The following NFIA variants were observed in gnomAD, a reference collection of about 807,000 sequenced individuals.
NFIA encodes the protein nuclear factor 1 A-type.
Under a neutral mutation model 62.8 loss-of-function variants are expected in NFIA, and 8 were observed. The ratio of observed to expected loss-of-function variants is 0.13; its 90% CI spans 0.07 to 0.23. The LOEUF (loss-of-function observed/expected upper bound fraction) is 0.23, where lower values mean the gene tolerates loss of function less well. Among genes scored for constraint, NFIA ranks in the 10% least tolerant of loss-of-function variants. The pLI, the probability that NFIA is intolerant of heterozygous loss-of-function variation, is 1.00. For synonymous variants in NFIA, 235 were observed against 238.1 expected, an observed-to-expected ratio of 0.99 and a Z score of 0.12; for missense variants, 410 against 642.1, an observed-to-expected ratio of 0.64 and a Z score of 3.91.
At chr1:61,240,752 A>G (rs1046012982) in intron 2 of NFIA, among the ~76,000 whole-genome samples, 3 of 152,150 alleles carry the variant, frequency 2.0e-5, no homozygotes, top group Non-Finnish European at 4.4e-5. Context: ...TCTGGTAATG[A>G]TGCCAGAGTC....
At chr1:61,217,159 C>T (rs1031661846) in intron 2 of NFIA, among the ~76,000 whole-genome samples, 6 of 149,914 alleles carry the variant, frequency 4.0e-5, no homozygotes, top group African/African-American at 9.8e-5. Flanking sequence ...TGGGTTCAAG[C>T]GATTCTTCTG....
At chr1:61,085,200 A>T (rs574685189) in intron 1 of NFIA, among the ~76,000 whole-genome samples, 3 of 152,292 alleles carry the variant, frequency 2.0e-5, no homozygotes, top group African/African-American at 7.2e-5. Context: ...TTTAAAAAAA[A>T]ACTTTACCAA....
intron 2 of NFIA, among the ~76,000 whole-genome samples, chr1:61,171,775 T>C (rs1184178646): frequency 6.6e-6 from 1 of 152,192 alleles, no homozygotes; most frequent in East Asian, 1.9e-4. Context: ...CATAAGGTTG[T>C]ACCCTTAATT....
At chr1:61,234,552 T>G (rs1345265141) in intron 2 of NFIA, among the ~76,000 whole-genome samples, 1 of 152,102 alleles carries the variant, frequency 6.6e-6, no homozygotes, top group Non-Finnish European at 1.5e-5. Flanking sequence ...CCATATTACT[T>G]TGCCCTTACT....
intron 2 of NFIA, among the ~76,000 whole-genome samples, chr1:61,252,070 C>A (rs1395139870): frequency 6.6e-6 from 1 of 152,122 alleles, no homozygotes; most frequent in Non-Finnish European, 1.5e-5. Flanking sequence ...TCTTTTTCAA[C>A]ATTGTATCAC....
intron 2 of NFIA, among the ~76,000 whole-genome samples, chr1:61,140,141 C>T (rs1647395069): frequency 6.6e-6 from 1 of 152,164 alleles, no homozygotes; most frequent in Non-Finnish European, 1.5e-5. Context: ...GGCTGCAAGG[C>T]TGAGATAAGT....
chr1:61,240,536 G>A (rs921872913), intron 2 of NFIA, among the ~76,000 whole-genome samples: 10 of 150,652 alleles, frequency 6.6e-5, no homozygotes, highest in Non-Finnish European at 8.9e-5. Flanking sequence ...TTTTTTAATC[G>A]TAAATATTCC....
At chr1:61,269,498 G>C (rs1484957452) in intron 2 of NFIA, among the ~76,000 whole-genome samples, 2 of 152,178 alleles carry the variant, frequency 1.3e-5, no homozygotes, top group African/African-American at 4.8e-5. Context: ...CAAAGAGTTA[G>C]AGCTGGATGT....
chr1:61,222,424 C>G (rs553997942), intron 2 of NFIA, among the ~76,000 whole-genome samples: 4 of 152,148 alleles, frequency 2.6e-5, no homozygotes, highest in East Asian at 3.9e-4. Flanking sequence ...TGTTTTCATT[C>G]TTGAATCATC....
At chr1:61,228,172 T>C (rs914385301) in intron 2 of NFIA, among the ~76,000 whole-genome samples, 7 of 152,256 alleles carry the variant, frequency 4.6e-5, no homozygotes, top group Non-Finnish European at 8.8e-5. Context: ...ATGTTCTTTT[T>C]TATTAGAATT....
At chr1:61,258,204 T>G (rs896984010) in intron 2 of NFIA, among the ~76,000 whole-genome samples, 5 of 152,204 alleles carry the variant, frequency 3.3e-5, no homozygotes, top group African/African-American at 4.8e-5. Flanking sequence ...GGAAACAGCA[T>G]TCTCAACTGC....
chr1:61,081,629 T>G (rs1646095932), upstream of NFIA: 1 of 355,072 alleles, frequency 2.8e-6, no homozygotes, highest in Non-Finnish European at 5.2e-6. Flanking sequence ...ATGGCGTCTG[T>G]GTTCAAACCC....
chr1:61,323,834 A>G (rs180916296), intron 3 of NFIA, among the ~76,000 whole-genome samples: 1 of 152,338 alleles, frequency 6.6e-6, no homozygotes, highest in East Asian at 1.9e-4. Context: ...AATATTTATT[A>G]CACACCTAGA....
chr1:61,136,547 A>G (rs948413525), intron 2 of NFIA, among the ~76,000 whole-genome samples: 3 of 152,252 alleles, frequency 2.0e-5, no homozygotes, highest in Non-Finnish European at 4.4e-5. Context: ...TATGAGAGGC[A>G]AATTAAAACC....
At chr1:61,213,695 T>C (rs761686350) in intron 2 of NFIA, among the ~76,000 whole-genome samples, 6 of 152,216 alleles carry the variant, frequency 3.9e-5, no homozygotes, top group Admixed American at 1.3e-4. Flanking sequence ...AGGGGTTTCA[T>C]AAAGCGGTAC....
At chr1:61,223,406 G>C (rs1654136457) in intron 2 of NFIA, among the ~76,000 whole-genome samples, 1 of 151,954 alleles carries the variant, frequency 6.6e-6, no homozygotes, top group Non-Finnish European at 1.5e-5. Context: ...GCTATGAGTA[G>C]AAGAACCTTT....
At chr1:61,291,095 C>T (rs1658852505) in intron 3 of NFIA, among the ~76,000 whole-genome samples, 1 of 152,120 alleles carries the variant, frequency 6.6e-6, no homozygotes, top group African/African-American at 2.4e-5. Context: ...TGCTGTAGAC[C>T]ACTGGTTAAT....
At chr1:61,329,862 C>T (rs1661195373) in intron 3 of NFIA, among the ~76,000 whole-genome samples, 1 of 152,052 alleles carries the variant, frequency 6.6e-6, no homozygotes, top group Non-Finnish European at 1.5e-5. Flanking sequence ...GGAGAGCAAG[C>T]CAAGAGAGAT....
At chr1:61,102,336 A>G (rs903328914) in intron 2 of NFIA, among the ~76,000 whole-genome samples, 1 of 152,218 alleles carries the variant, frequency 6.6e-6, no homozygotes, top group Non-Finnish European at 1.5e-5. Context: ...ATGTTGCTTC[A>G]TATTAAATAA....
Sources: allele counts gnomAD v4.1 joint callset (sites outside exome capture counted in the v4.1 genomes callset), GRCh38; gene constraint gnomAD v4.1.1; transcripts MANE v1.5; gene names NCBI Gene and HGNC (gene_info 2026-07-23, HGNC 2026-07-21).